Variants in URGCP observed in about 807,000 individuals in gnomAD.
URGCP encodes up-regulator of cell proliferation.
In URGCP, 13 loss-of-function variants were observed where a neutral mutation model predicts 24.6. That is an observed-to-expected ratio of 0.53 (90% confidence interval 0.34 to 0.84). URGCP has a LOEUF of 0.84. URGCP is among the 40% of genes least tolerant of loss of function. The pLI is 0.01. For synonymous variants in URGCP, 444 were observed against 487.2 expected (o/e 0.91, Z 1.17); for missense variants, 899 against 1,194.3 (o/e 0.75, Z 3.64).
chr7:43,876,791 A>C lies in URGCP; in HGVS notation c.2672T>G (p.Val891Gly). The stretch of plus-strand genomic sequence containing the variant: ...TATGGCTTCACTGTAGGCCAAGCTC[A>C]CTGCGGCCATGGGAGGTGCTCCGTG... ...LWHGAPPMAAVSLAYSEAIFE... is the reference protein window; with the variant it reads ...LWHGAPPMAAGSLAYSEAIFE... The change falls in exon 6 of 6, where the codon GTG becomes GGG. Residue 891 changes from valine to glycine, a missense_variant. By Grantham distance (109) the Val-to-Gly change is moderately radical (BLOSUM62 -3). Coordinates refer to ENST00000453200, the MANE Select transcript of URGCP (RefSeq NM_001077663.3). The C allele has an allele frequency of 6.2e-7, 1 of 1,614,180 alleles. No homozygotes were observed. Among genetic ancestry groups the C allele is most frequent in the South Asian group, 1.1e-5 (1 of 91,088 alleles).
chr7:43,911,747 C>G (rs749352097), intron 1 of URGCP, among the ~76,000 whole-genome samples: 2 of 152,128 alleles, frequency 1.3e-5, no homozygotes, highest in African/African-American at 2.4e-5. Flanking sequence ...TACTGAACAA[C>G]AGCAAAATAC....
At chr7:43,888,060 A>T in intron 1 of URGCP, 1 of 473,714 alleles carries the variant, frequency 2.1e-6, no homozygotes, top group East Asian at 3.7e-5. Context: ...GCACAGTATG[A>T]TTACAATTTA....
intron 3 of URGCP, 102 bp downstream of exon 3, chr7:43,887,313 C>T (rs1462277730): frequency 2.2e-6 from 3 of 1,372,412 alleles, no homozygotes; most frequent in Non-Finnish European, 3.0e-6. Flanking sequence ...TTTTGAGATG[C>T]ACAATCCCAA....
At chr7:43,913,958 C>A (rs2095912918) in intron 1 of URGCP, among the ~76,000 whole-genome samples, 2 of 152,014 alleles carry the variant, frequency 1.3e-5, no homozygotes, top group Non-Finnish European at 1.5e-5. Context: ...CTTGGCCTAC[C>A]AAAGTCCTGG....
At position 43,877,408 on chromosome 7, in the gene URGCP, T is replaced by G; in HGVS notation, c.2055A>C (p.Arg685=). The change falls in exon 6 of 6, where the codon CGA becomes CGC. Residue 685 remains arginine, a synonymous_variant. Transcript: ENST00000453200. ...VTGLLKELHV[R]LERRSRLVVL... ...CCACCAGCCTTGACCGTCTCTCCAGTCGGACGTGCAGCTCCTTCAGGAGCC... is the reference window on the plus strand; with the variant it reads ...CCACCAGCCTTGACCGTCTCTCCAGGCGGACGTGCAGCTCCTTCAGGAGCC... The G allele has an allele frequency of 6.2e-7, 1 of 1,613,356 alleles. No individual in the cohort carries two copies. The highest frequency in any genetic ancestry group is 1.1e-5 in the South Asian group (1 of 91,078).
chr7:43,881,422 G>T, intron 5 of URGCP: 1 of 614,082 alleles, frequency 1.6e-6, no homozygotes, highest in Non-Finnish European at 2.8e-6. Flanking sequence ...TGAGTATGTT[G>T]GGTGGTGGAG....
At chr7:43,895,666 C>T (rs868102007) in intron 1 of URGCP, among the ~76,000 whole-genome samples, 7 of 152,344 alleles carry the variant, frequency 4.6e-5, no homozygotes, top group Middle Eastern at 6.8e-3. Context: ...CACGGTGAGA[C>T]TCTGTCTCAA....
intron 1 of URGCP, among the ~76,000 whole-genome samples, chr7:43,918,487 G>A (rs566788897): frequency 5.9e-5 from 9 of 151,862 alleles, no homozygotes; most frequent in Non-Finnish European, 1.3e-4. Flanking sequence ...CACCATGTTG[G>A]CCAGGCTGGT....
chr7:43,876,778 G>A lies in URGCP; in HGVS notation c.2685C>T (p.Tyr895=), dbSNP rs2095845080. ...APPMAAVSLA[Y]SEAIFELKRC... is the part of the protein sequence containing the mutation. ...TCTTCAATTCAAATATGGCTTCACT[G>A]TAGGCCAAGCTCACTGCGGCCATGG... The change falls in exon 6 of 6, where the codon TAC becomes TAT. Residue 895 remains tyrosine (Y), a synonymous_variant. Transcript: ENST00000453200. 5 of 1,614,210 alleles carry A rather than the reference G, an allele frequency of 3.1e-6. No homozygotes were observed. The highest frequency in any genetic ancestry group is 4.2e-6 in the Non-Finnish European group (5 of 1,180,044).
Position 43,878,154 on chromosome 7 carries a change from T to C in URGCP, c.1309A>G (p.Asn437Asp), listed in dbSNP as rs758766211. Residue 437 changes from asparagine (N) to aspartate (D), a missense_variant, in exon 6 of 6, where the codon AAT (asparagine) becomes GAT (aspartate). Coordinates refer to ENST00000453200, the MANE Select transcript of URGCP (RefSeq NM_001077663.3). The surrounding 1 kb of genome is among the most constrained non-coding windows in gnomAD (Gnocchi z 5.6). ...FVKRIRAIVG[N>D]VLRAPCRRVS... ...CGCCTGCAGGGTGCCCGCAGCACAT[T>C]CCCAACGATGGCCCGGATCCTCTTC... is the stretch of plus-strand genomic sequence containing the variant. The C allele has an allele frequency of 2.5e-6, 4 of 1,614,208 alleles. No individual in the cohort carries two copies. In the South Asian group the frequency reaches 3.3e-5, roughly 13 times the overall value.
intron 3 of URGCP, among the ~76,000 whole-genome samples, chr7:43,883,122 AT>A (rs1002874917): frequency 2.0e-5 from 3 of 151,868 alleles, no homozygotes; most frequent in African/African-American, 7.3e-5. Flanking sequence ...TAATTACAAA[AT>A]GTGTTTAATG....
chr7:43,889,501 G>A (rs974428402), intron 1 of URGCP: 13 of 152,156 alleles, frequency 8.5e-5, no homozygotes, highest in Non-Finnish European at 1.9e-4. Context: ...CAGGGGCAAG[G>A]GAGCTCTCTG....
At chr7:43,926,606 T>G (rs1370625412), upstream of URGCP, 1 of 1,526,712 alleles carries the variant, frequency 6.6e-7, no homozygotes, top group Non-Finnish European at 8.8e-7. Flanking sequence ...AGCGTCGAGG[T>G]GTGGGCGGGG....
chr7:43,882,088 A>G, intron 3 of URGCP, 131 bp from the exon 4 acceptor site: 1 of 1,471,844 alleles, frequency 6.8e-7, no homozygotes, highest in East Asian at 2.3e-5. Flanking sequence ...GCTTGAGTCC[A>G]GGAGTTTGAG....
intron 3 of URGCP, among the ~76,000 whole-genome samples, chr7:43,884,233 C>T (rs189054377): frequency 6.6e-6 from 1 of 152,134 alleles, no homozygotes; most frequent in African/African-American, 2.4e-5. Context: ...CGGAGAGAGC[C>T]TGATGTTCTG....
At chr7:43,898,975 A>G (rs1200342899) in intron 1 of URGCP, among the ~76,000 whole-genome samples, 1 of 149,440 alleles carries the variant, frequency 6.7e-6, no homozygotes, top group Non-Finnish European at 1.5e-5. Flanking sequence ...TTCCACTAAA[A>G]GTACGAAAAT....
upstream of URGCP, chr7:43,926,703 C>A (rs2095931792): frequency 3.4e-6 from 3 of 887,476 alleles, no homozygotes; most frequent in South Asian, 2.4e-5. Context: ...GCCTCCCGCG[C>A]AGCCTGAAAA....
intron 1 of URGCP, among the ~76,000 whole-genome samples, chr7:43,889,991 G>A (rs964914019): frequency 4.6e-5 from 7 of 151,074 alleles, no homozygotes; most frequent in African/African-American, 7.3e-5. Flanking sequence ...TGCAACCTCC[G>A]TCTCCTGGGT....
At chr7:43,892,514 G>A (rs893409011) in intron 1 of URGCP, among the ~76,000 whole-genome samples, 13 of 151,962 alleles carry the variant, frequency 8.6e-5, no homozygotes, top group African/African-American at 2.9e-4. Flanking sequence ...AGCTACACCA[G>A]CTTCCACCTC....
Sources: gnomAD v4.1 joint callset for allele counts (sites outside exome capture counted in the v4.1 genomes callset) on GRCh38, gnomAD v4.1.1 for gene constraint, Gnocchi (gnomAD v3.1) non-coding constraint, MANE v1.5 for transcripts, NCBI Gene and HGNC (gene_info 2026-07-23, HGNC 2026-07-21) for gene names.